ARMCX4: variants seen among roughly 807,000 people sequenced by gnomAD.
ARMCX4 encodes the protein armadillo repeat containing X-linked 4.
ARMCX4 carries 3 observed loss-of-function variants against 34.7 expected under a neutral mutation model. The observed-to-expected ratio is 0.09, with a 90% CI of 0.04 to 0.22. The LOEUF is 0.22. Among genes scored for constraint, ARMCX4 ranks in the 10% least tolerant of loss-of-function variants. The pLI, the probability that ARMCX4 is intolerant of heterozygous loss-of-function variation, is 1.00. For synonymous variants in ARMCX4, 513 were observed against 632.8 expected, an observed-to-expected ratio of 0.81 and a Z score of 2.84; for missense variants, 1,448 against 1,720.8, an observed-to-expected ratio of 0.84 and a Z score of 2.81.
chrX:101,441,121 C>G (rs1931264117), intron 2 of ARMCX4, among the ~76,000 whole-genome samples: 1 of 111,158 alleles, frequency 9.0e-6, no homozygotes. Flanking sequence ...GGCTCCACCC[C>G]CCGGGACTAA....
chrX:101,514,787 G>A (rs186119618), intron 11 of ARMCX4, among the ~76,000 whole-genome samples: 1 of 111,773 alleles, frequency 8.9e-6, no homozygotes, highest in African/African-American at 3.2e-5. Context: ...CATAATGGAG[G>A]ACTCAGTTTT....
intron 2 of ARMCX4, among the ~76,000 whole-genome samples, chrX:101,433,084 A>G (rs984286189): frequency 2.7e-5 from 3 of 110,211 alleles, no homozygotes. Flanking sequence ...ACATATGTAT[A>G]CATATATGTG....
chrX:101,433,734 G>T (rs1239735916), intron 2 of ARMCX4, among the ~76,000 whole-genome samples: 1 of 111,086 alleles, frequency 9.0e-6, no homozygotes, highest in Non-Finnish European at 1.9e-5. Context: ...ATTGAGTACA[G>T]AAAACAGGAC....
chrX:101,443,043 A>C (rs1157190176), intron 2 of ARMCX4, among the ~76,000 whole-genome samples: 1 of 104,080 alleles, frequency 9.6e-6, no homozygotes, highest in Non-Finnish European at 2.0e-5. Flanking sequence ...AGGCAGGAGA[A>C]TGGCATGAAC....
intron 11 of ARMCX4, among the ~76,000 whole-genome samples, chrX:101,525,713 G>A (rs1417904438): frequency 9.0e-6 from 1 of 110,897 alleles, no homozygotes; most frequent in Admixed American, 9.6e-5. Context: ...GTGGAAGAAA[G>A]GGTACCGATT....
At chrX:101,496,114 G>A (rs1406214134), downstream of ARMCX4, among the ~76,000 whole-genome samples, 1 of 110,482 alleles carries the variant, frequency 9.1e-6, no homozygotes, top group African/African-American at 3.3e-5. Flanking sequence ...CCTGCTTGAA[G>A]TGCAAAGTGT....
chrX:101,533,655 T>C (rs1935170976), downstream of ARMCX4, among the ~76,000 whole-genome samples: 1 of 112,052 alleles, frequency 8.9e-6, no homozygotes, highest in African/African-American at 3.2e-5. Flanking sequence ...AGATAACTTC[T>C]GGATGCAACT....
chrX:101,487,076 T>C (rs1450233277), intron 2 of ARMCX4, 117 bp from the exon 3 acceptor site: 2 of 106,145 alleles, frequency 1.9e-5, no homozygotes, highest in African/African-American at 6.9e-5. Context: ...TTTTTTTTTT[T>C]CTGCCAGCAA....
Position 101,493,072 on chromosome X carries a change from AGTG to A in ARMCX4, c.4485_4487del (p.Ser1495_Gly1496delinsArg), listed in dbSNP as rs1556010174. On this transcript the variant is annotated inframe_deletion, in exon 6 of 6. Coordinates refer to ENST00000423738, the MANE Select transcript of ARMCX4 (RefSeq NM_001256155.3). ...TAGGCTGGGGCTTAGGGACCAGTCT[AGTG>A]GAGATTCCTGGGCTGGCACTGGGGA... 1 of 1,152,754 alleles carries A rather than the reference AGTG, an allele frequency of 8.7e-7. No individual in the cohort carries two copies. Among genetic ancestry groups the A allele is most frequent in the Admixed American group, 2.6e-5 (1 of 38,528 alleles). 95.0% of individuals were successfully genotyped at this position (1,152,754 alleles called of 1,213,427 possible).
chrX:101,506,700 A>G (rs1006711338), intron 8 of ARMCX4, among the ~76,000 whole-genome samples: 1 of 111,407 alleles, frequency 9.0e-6, no homozygotes, highest in African/African-American at 3.3e-5. Context: ...TTTTGCGGGG[A>G]CACAACCATT....
intron 11 of ARMCX4, among the ~76,000 whole-genome samples, chrX:101,528,681 C>A (rs1446255122): frequency 9.0e-6 from 1 of 111,322 alleles, no homozygotes; most frequent in Non-Finnish European, 1.9e-5. Context: ...CATTCCTATA[C>A]ACCAATAACA....
chrX:101,525,222 C>T (rs1934939636), intron 11 of ARMCX4, among the ~76,000 whole-genome samples: 1 of 112,016 alleles, frequency 8.9e-6, no homozygotes, highest in South Asian at 3.7e-4. Context: ...AGACCTGCAG[C>T]TAAGGGTCCT....
intron 4 of ARMCX4, among the ~76,000 whole-genome samples, chrX:101,476,013 G>C: frequency 9.0e-6 from 1 of 110,864 alleles, no homozygotes; most frequent in East Asian, 2.8e-4. Flanking sequence ...AAACAACTTT[G>C]TACACAACAG....
At chrX:101,443,731 C>T (rs1213529606) in intron 2 of ARMCX4, 3 of 281,756 alleles carry the variant, frequency 1.1e-5, no homozygotes, top group African/African-American at 8.3e-5. Flanking sequence ...TCTTGCCATT[C>T]CTGCTCCCAA....
chrX:101,528,684 C>T (rs1004556681), intron 11 of ARMCX4, among the ~76,000 whole-genome samples: 14 of 110,960 alleles, frequency 1.3e-4, no homozygotes, highest in Non-Finnish European at 2.3e-4. Flanking sequence ...TCCTATACAC[C>T]AATAACAGAC....
At chrX:101,444,185 T>A (rs1327286222) in intron 3 of ARMCX4, 2 of 242,829 alleles carry the variant, frequency 8.2e-6, no homozygotes, top group East Asian at 1.9e-4. Flanking sequence ...GTGGCAGAGG[T>A]CTCTGTGTGT....
At chrX:101,428,659 G>C (rs1401860214) in intron 2 of ARMCX4, among the ~76,000 whole-genome samples, 1 of 111,042 alleles carries the variant, frequency 9.0e-6, no homozygotes, top group African/African-American at 3.3e-5. Flanking sequence ...AGAGAGAGTT[G>C]ATGGCACATC....
rs1445739047 is a variant in ARMCX4, at chrX:101,488,489, C to G, written c.-101C>G. ...GTAGTGGCCTTTGAGTGGCTGAAGA[C>G]CAGCACCCTCACAGGCCTACACCCA... is the stretch of plus-strand genomic sequence containing the variant. On this transcript the variant is annotated 5_prime_UTR_variant, in exon 6 of 6. Transcript: ENST00000423738. 2.6e-6 allele frequency: 3 copies of G among 1,135,267 alleles called. No individual in the cohort carries two copies. The East Asian group carries it at 9.9e-5, about 37-fold the overall frequency. The allele number at this position is 1,135,267 out of a possible 1,213,427, so 93.6% of individuals were successfully genotyped here.
intron 11 of ARMCX4, chrX:101,511,139 G>T (rs1220578182): frequency 9.0e-6 from 1 of 111,106 alleles, no homozygotes; most frequent in African/African-American, 3.3e-5. Flanking sequence ...GTTCTTTAAT[G>T]ATTTTTTGAT....
Sources: gnomAD v4.1 joint callset for allele counts (sites outside exome capture counted in the v4.1 genomes callset) on GRCh38, gnomAD v4.1.1 for gene constraint, MANE v1.5 for transcripts, NCBI Gene and HGNC (gene_info 2026-07-23, HGNC 2026-07-21) for gene names.